The following RNF144A variants were observed in gnomAD, a reference collection of about 807,000 sequenced individuals.
RNF144A encodes ring finger protein 144A.
In RNF144A, 11 loss-of-function variants were observed where a neutral mutation model predicts 38.7. That is an observed-to-expected ratio of 0.28 (90% CI 0.18 to 0.47). RNF144A has a LOEUF of 0.47. Ranked by LOEUF, RNF144A falls within the 20% of genes least tolerant of loss-of-function variation. The probability of loss-of-function intolerance (pLI) is 0.99; values close to 1 mark genes in which losing one functional copy is unlikely to be tolerated. For missense variants in RNF144A, 316 were observed against 377.2 expected, an observed-to-expected ratio of 0.84 and a Z score of 1.34; for synonymous variants, 149 against 143.9, an observed-to-expected ratio of 1.04 and a Z score of -0.25.
intron 2 of RNF144A, among the ~76,000 whole-genome samples, chr2:6,980,843 G>A (rs915799723): frequency 2.9e-4 from 44 of 152,258 alleles, no homozygotes; most frequent in African/African-American, 1.0e-3. Context: ...CTGGCCTGCA[G>A]CAGACTTCTG....
At chr2:7,060,176 C>T (rs559041931) in intron 6 of RNF144A, among the ~76,000 whole-genome samples, 3 of 152,254 alleles carry the variant, frequency 2.0e-5, no homozygotes, top group African/African-American at 7.2e-5. Context: ...CCTCTCACTT[C>T]TCTTCTTTGT....
In RNF144A at chr2:6,941,472, C is replaced by T. The variant is rs551911273; in HGVS notation, c.-12+325C>T. Reference sequence around the variant, plus strand: ...AGAGAACACGTGGATTGAGCTCCTGCGTGTGCCAGGCACAGCTCTAACTCA... The same window carrying T: ...AGAGAACACGTGGATTGAGCTCCTGTGTGTGCCAGGCACAGCTCTAACTCA... On this transcript the variant is annotated intron_variant, in intron 2 of 8. Transcript: ENST00000320892. The surrounding 1 kb of genome is among the most constrained non-coding windows in gnomAD (Gnocchi z 6.5). Among the ~76,000 whole-genome samples the T allele has an allele frequency of 1.4e-4, 21 of 152,346 alleles. No individual in the cohort carries two copies. Among genetic ancestry groups the T allele is most frequent in the Admixed American group, 6.5e-4 (10 of 15,304 alleles).
the RNF144A span, among the ~76,000 whole-genome samples, chr2:7,076,075 C>T: frequency 2.6e-5 from 4 of 152,168 alleles, no homozygotes; most frequent in Non-Finnish European, 5.9e-5. Flanking sequence ...ATCAATGCTG[C>T]ATTGAGCCTC....
chr2:6,986,425 C>T (rs1309727920), intron 2 of RNF144A, among the ~76,000 whole-genome samples: 1 of 152,112 alleles, frequency 6.6e-6, no homozygotes, highest in East Asian at 1.9e-4. Context: ...TTGAAGGAGA[C>T]AGCCATTGTG....
intron 6 of RNF144A, among the ~76,000 whole-genome samples, chr2:7,064,033 A>G (rs940185168): frequency 1.3e-5 from 2 of 152,234 alleles, no homozygotes; most frequent in African/African-American, 4.8e-5. Context: ...TACATGAGAC[A>G]GAGAGACACC....
Position 7,054,649 on chromosome 2 carries a change from G to A in RNF144A, c.735-13567G>A, listed in dbSNP as rs371578137. On this transcript the variant is annotated intron_variant, in intron 6 of 6. Coordinates refer to the RNF144A transcript ENST00000432850. ...CTGTGATAGTATGAAGGGCTCAAGG[G>A]AAGTAGCTAGCCCTTTTTGCCTTCC... 1.4e-4 allele frequency among the ~76,000 whole-genome samples: 21 copies of A among 152,262 alleles called. No individual in the cohort carries two copies. The East Asian group carries it at 1.7e-3, about 13-fold the overall frequency.
chr2:7,009,843 C>G (rs1670679835), intron 3 of RNF144A, among the ~76,000 whole-genome samples: 1 of 152,188 alleles, frequency 6.6e-6, no homozygotes, highest in Non-Finnish European at 1.5e-5. Context: ...GCTAGCACAC[C>G]TCTGTCTCAG....
chr2:7,017,814 G>T (rs1273546721), intron 5 of RNF144A, among the ~76,000 whole-genome samples: 1 of 152,212 alleles, frequency 6.6e-6, no homozygotes, highest in African/African-American at 2.4e-5. Flanking sequence ...TTCACAGGGT[G>T]TGACATGCCC....
chr2:6,990,427 CACACACACAGAG>C (rs1402721359), intron 2 of RNF144A, among the ~76,000 whole-genome samples: 2 of 64,510 alleles, frequency 3.1e-5, no homozygotes, highest in African/African-American at 1.7e-4. Flanking sequence ...CACACACACA[CACACACACAGAG>C]CTATATATAT....
chr2:7,056,453 C>T (rs1278676436), intron 6 of RNF144A, among the ~76,000 whole-genome samples: 1 of 152,102 alleles, frequency 6.6e-6, no homozygotes, highest in Non-Finnish European at 1.5e-5. Context: ...TTCCTCCATC[C>T]CCCCAAATTC....
Position 6,992,120 on chromosome 2 carries a change from G to C in RNF144A, c.-11-4796G>C, listed in dbSNP as rs551186333. 5.3e-5 allele frequency among the ~76,000 whole-genome samples: 8 copies of C among 152,324 alleles called. No homozygotes were observed. In the South Asian group the frequency reaches 1.7e-3, roughly 32 times the overall value. ...TGTTGAAGAACGGTGCACTTGGTGGGCTTCGACCCACACAGCCTTGAGTGA... is the reference window on the plus strand; with the variant it reads ...TGTTGAAGAACGGTGCACTTGGTGGCCTTCGACCCACACAGCCTTGAGTGA... On this transcript the variant is annotated intron_variant, in intron 2 of 8. Transcript: ENST00000320892.
chr2:6,964,213 G>GA lies in RNF144A; in HGVS notation c.-12+23072dup, dbSNP rs571836808. ...ACATTTATGCAGCCAAAAAACACAT[G>GA]AAAAAATACTCATCATCACTGGCCA... is the stretch of plus-strand genomic sequence containing the variant. On this transcript the variant is annotated intron_variant, in intron 2 of 8. Transcript: ENST00000320892. Among the ~76,000 whole-genome samples, 681 of 152,238 alleles carry GA rather than the reference G, an allele frequency of 4.5e-3. 2 individuals are homozygous for GA. Among genetic ancestry groups the GA allele is most frequent in the South Asian group, 0.014 (67 of 4,824 alleles).
chr2:6,957,237 T>G (rs144508277), intron 2 of RNF144A, among the ~76,000 whole-genome samples: 1 of 152,306 alleles, frequency 6.6e-6, no homozygotes, highest in East Asian at 1.9e-4. Flanking sequence ...TATCTGTCTG[T>G]CCTGCATGTA....
intron 1 of RNF144A, among the ~76,000 whole-genome samples, chr2:6,939,796 GA>G (rs926045223): frequency 4.8e-5 from 7 of 145,330 alleles, no homozygotes; most frequent in African/African-American, 1.5e-4. Flanking sequence ...ACTATTCGTT[GA>G]AAAAAAAAAC....
At chr2:7,032,655 G>C (rs908382743) in intron 8 of RNF144A, among the ~76,000 whole-genome samples, 3 of 152,186 alleles carry the variant, frequency 2.0e-5, no homozygotes, top group Admixed American at 6.5e-5. Flanking sequence ...TCTCCACCTC[G>C]TCTTCCATCA....
chr2:6,975,697 AGGCCTGT>A (rs1668267424), intron 2 of RNF144A, among the ~76,000 whole-genome samples: 1 of 152,174 alleles, frequency 6.6e-6, no homozygotes, highest in Non-Finnish European at 1.5e-5. Flanking sequence ...GTTGTGGCAC[AGGCCTGT>A]GGTCCCAGCT....
At chr2:7,019,153 G>T (rs2103426756) in intron 5 of RNF144A, among the ~76,000 whole-genome samples, 2 of 152,318 alleles carry the variant, frequency 1.3e-5, no homozygotes, top group South Asian at 4.1e-4. Flanking sequence ...TAGATGACTA[G>T]ATCATTTCAA....
chr2:7,001,623 G>A (rs1572376166), intron 3 of RNF144A, among the ~76,000 whole-genome samples: 1 of 152,178 alleles, frequency 6.6e-6, no homozygotes, highest in East Asian at 1.9e-4. Context: ...GCCGCAGTGA[G>A]CCATGATTAC....
intron 8 of RNF144A, among the ~76,000 whole-genome samples, chr2:7,035,115 G>A (rs191039396): frequency 5.3e-5 from 8 of 152,318 alleles, no homozygotes; most frequent in East Asian, 1.9e-4. Flanking sequence ...AGAGGAGCCC[G>A]CTCAGGATGG....
Sources: gnomAD v4.1 joint callset for allele counts (sites outside exome capture counted in the v4.1 genomes callset) on GRCh38, gnomAD v4.1.1 for gene constraint, Gnocchi (gnomAD v3.1) non-coding constraint, MANE v1.5 for transcripts, NCBI Gene and HGNC (gene_info 2026-07-23, HGNC 2026-07-21) for gene names.